Variants in LRRC4C observed in about 807,000 individuals in gnomAD.
The protein encoded by LRRC4C is leucine rich repeat containing 4C.
In LRRC4C, 5 loss-of-function variants were observed where a neutral mutation model predicts 33.6. That is an observed-to-expected ratio of 0.15 (90% confidence interval 0.08 to 0.31). The LOEUF (loss-of-function observed/expected upper bound fraction) is 0.31, where lower values mean the gene tolerates loss of function less well. Among genes scored for constraint, LRRC4C ranks in the 10% least tolerant of loss-of-function variants. The probability of loss-of-function intolerance (pLI) is 1.00; values close to 1 mark genes in which losing one functional copy is unlikely to be tolerated. For missense variants in LRRC4C, 560 were observed against 796.7 expected (o/e 0.70, Z 3.58); for synonymous variants, 329 against 302.0 (o/e 1.09, Z -0.93).
At chr11:40,765,400 T>C (rs557117259) in intron 2 of LRRC4C, among the ~76,000 whole-genome samples, 1 of 152,344 alleles carries the variant, frequency 6.6e-6, no homozygotes, top group African/African-American at 2.4e-5. Context: ...CTATGCTTTC[T>C]ATAGAGCCTG....
intron 1 of LRRC4C, among the ~76,000 whole-genome samples, chr11:41,062,987 TAA>T (rs1937909124): frequency 6.6e-6 from 1 of 152,138 alleles, no homozygotes; most frequent in Non-Finnish European, 1.5e-5. Flanking sequence ...ATTTTAGACC[TAA>T]GAGACAATAC....
At chr11:41,133,965 T>G (rs1031714327) in intron 1 of LRRC4C, among the ~76,000 whole-genome samples, 2 of 152,184 alleles carry the variant, frequency 1.3e-5, no homozygotes, top group East Asian at 3.9e-4. Context: ...AACTCCTGCC[T>G]TCCTGAAGTA....
intron 2 of LRRC4C, among the ~76,000 whole-genome samples, chr11:40,709,025 C>A (rs983523700): frequency 1.3e-5 from 2 of 152,074 alleles, no homozygotes; most frequent in Non-Finnish European, 2.9e-5. Flanking sequence ...AGGATTGCAA[C>A]CTCTGCTTTT....
intron 2 of LRRC4C, among the ~76,000 whole-genome samples, chr11:40,717,187 T>G (rs113891283): frequency 6.6e-6 from 1 of 152,296 alleles, no homozygotes; most frequent in Non-Finnish European, 1.5e-5. Context: ...TATTTGTCTT[T>G]CTGAATGGTT....
intron 1 of LRRC4C, among the ~76,000 whole-genome samples, chr11:41,187,238 A>T (rs115675195): frequency 2.0e-5 from 3 of 152,278 alleles, no homozygotes; most frequent in African/African-American, 7.2e-5. Context: ...ATTTCCCAAG[A>T]CCACCTTGGC....
intron 2 of LRRC4C, among the ~76,000 whole-genome samples, chr11:40,702,128 T>C (rs544412594): frequency 1.3e-5 from 2 of 152,172 alleles, no homozygotes; most frequent in East Asian, 3.9e-4. Context: ...AGGGAGAATA[T>C]TATGCATTTG....
At chr11:41,080,098 A>G (rs1037726935) in intron 1 of LRRC4C, among the ~76,000 whole-genome samples, 1 of 152,170 alleles carries the variant, frequency 6.6e-6, no homozygotes, top group Non-Finnish European at 1.5e-5. Context: ...TGTCCCACAT[A>G]CAAAAACATT....
chr11:40,866,418 G>A (rs1230245933), intron 2 of LRRC4C, among the ~76,000 whole-genome samples: 5 of 152,040 alleles, frequency 3.3e-5, no homozygotes, highest in African/African-American at 4.8e-5. Flanking sequence ...TGAAAATCAC[G>A]TACATTTTCA....
At chr11:40,780,290 A>T (rs979787085) in intron 2 of LRRC4C, among the ~76,000 whole-genome samples, 3 of 152,188 alleles carry the variant, frequency 2.0e-5, no homozygotes, top group Non-Finnish European at 4.4e-5. Flanking sequence ...GTTTGAATGT[A>T]TTTATGGTAC....
At chr11:41,390,435 C>T (rs747002421) in intron 1 of LRRC4C, among the ~76,000 whole-genome samples, 25 of 151,788 alleles carry the variant, frequency 1.6e-4, no homozygotes, top group Non-Finnish European at 3.1e-4. Context: ...TAATCTAGTA[C>T]CCACCTGCCT....
At chr11:40,758,281 CT>C (rs1949040829) in intron 2 of LRRC4C, among the ~76,000 whole-genome samples, 1 of 149,720 alleles carries the variant, frequency 6.7e-6, no homozygotes, top group African/African-American at 2.4e-5. Flanking sequence ...AATGGTTGAC[CT>C]TATCAATGAC....
chr11:40,806,085 C>A (rs1951234924), intron 2 of LRRC4C, among the ~76,000 whole-genome samples: 1 of 152,114 alleles, frequency 6.6e-6, no homozygotes. Flanking sequence ...TACACTGAAA[C>A]CTTCATTTTT....
intron 3 of LRRC4C, among the ~76,000 whole-genome samples, chr11:40,320,686 C>T (rs1254726038): frequency 6.6e-6 from 1 of 152,144 alleles, no homozygotes; most frequent in Non-Finnish European, 1.5e-5. Flanking sequence ...CCAAAACTTA[C>T]TGAGTCTTAA....
chr11:40,422,958 T>C (rs1950572924), intron 3 of LRRC4C, among the ~76,000 whole-genome samples: 1 of 152,108 alleles, frequency 6.6e-6, no homozygotes, highest in Admixed American at 6.5e-5. Context: ...AAATAAATAG[T>C]GTTAAAAACA....
intron 1 of LRRC4C, among the ~76,000 whole-genome samples, chr11:41,454,494 T>C (rs768961078): frequency 6.6e-6 from 1 of 152,140 alleles, no homozygotes; most frequent in Non-Finnish European, 1.5e-5. Flanking sequence ...TTAATAAATA[T>C]GCATCCTTTT....
intron 5 of LRRC4C, among the ~76,000 whole-genome samples, chr11:40,171,591 A>G (rs1017892404): frequency 6.6e-6 from 1 of 152,208 alleles, no homozygotes; most frequent in African/African-American, 2.4e-5. Flanking sequence ...GGTCTTTATA[A>G]GCATAGAAAT....
intron 2 of LRRC4C, among the ~76,000 whole-genome samples, chr11:40,931,729 G>T (rs1049205099): frequency 6.6e-6 from 1 of 151,972 alleles, no homozygotes; most frequent in Admixed American, 6.6e-5. Flanking sequence ...ATTATATATA[G>T]TTATGAAGCC....
intron 5 of LRRC4C, among the ~76,000 whole-genome samples, chr11:40,152,680 A>G (rs1215476662): frequency 6.6e-6 from 1 of 151,990 alleles, no homozygotes. Context: ...TCCCCCACTT[A>G]GCTGACAACC....
intron 2 of LRRC4C, among the ~76,000 whole-genome samples, chr11:40,788,319 CCTTT>C (rs1950495792): frequency 6.6e-6 from 1 of 152,110 alleles, no homozygotes; most frequent in African/African-American, 2.4e-5. Context: ...TCTTCCTCCT[CCTTT>C]CTTTGTTCCT....
Sources: gnomAD v4.1 joint callset for allele counts (sites outside exome capture counted in the v4.1 genomes callset) on GRCh38, gnomAD v4.1.1 for gene constraint, MANE v1.5 for transcripts, NCBI Gene and HGNC (gene_info 2026-07-23, HGNC 2026-07-21) for gene names.